The following XKR9 variants were observed in gnomAD, a reference collection of about 807,000 sequenced individuals.
XKR9 encodes the protein XK related 9.
In XKR9, 32 loss-of-function variants were observed where a neutral mutation model predicts 32.0. That is an observed-to-expected ratio of 1.00 (90% CI 0.76 to 1.34). The LOEUF (loss-of-function observed/expected upper bound fraction) is 1.34, where lower values mean the gene tolerates loss of function less well. Among genes scored for constraint, XKR9 ranks in the 40% most tolerant of loss-of-function variants. XKR9 has a pLI of 0.00. For synonymous variants in XKR9, 168 were observed against 143.4 expected (o/e 1.17, Z -1.22); for missense variants, 546 against 429.7 (o/e 1.27, Z -2.39).
At chr8:71,030,262 G>T in the XKR9 span, among the ~76,000 whole-genome samples, 1 of 152,046 alleles carries the variant, frequency 6.6e-6, no homozygotes, top group South Asian at 2.1e-4. Context: ...TATTATTACT[G>T]TACTAAATAC....
chr8:70,710,485 G>A (rs781225736), intron 4 of XKR9, among the ~76,000 whole-genome samples: 1 of 152,102 alleles, frequency 6.6e-6, no homozygotes, highest in Non-Finnish European at 1.5e-5. Flanking sequence ...TAGATCACTT[G>A]AGGTCAGGAG....
At chr8:70,911,219 G>T in the XKR9 span, among the ~76,000 whole-genome samples, 6 of 152,112 alleles carry the variant, frequency 3.9e-5, no homozygotes, top group East Asian at 9.6e-4. Flanking sequence ...CTGCAACAAA[G>T]CTCAAATTAC....
chr8:71,050,276 T>TAG, the XKR9 span, among the ~76,000 whole-genome samples: 45 of 59,894 alleles, frequency 7.5e-4, no homozygotes, highest in African/African-American at 1.1e-3. Flanking sequence ...GATAGATAGA[T>TAG]ATAGATATAG....
chr8:70,874,317 G>C, the XKR9 span, among the ~76,000 whole-genome samples: 3 of 151,986 alleles, frequency 2.0e-5, no homozygotes, highest in Non-Finnish European at 4.4e-5. Context: ...TGATATTCCT[G>C]CTAATTATGT....
chr8:70,733,701 GGT>G, intron 4 of XKR9, 93 bp from the exon 5 acceptor site: 2 of 1,152,462 alleles, frequency 1.7e-6, no homozygotes, highest in Non-Finnish European at 1.1e-6. Flanking sequence ...CGTGTTTGTG[GGT>G]GTGTGTATAT....
chr8:70,832,982 A>G, the XKR9 span, among the ~76,000 whole-genome samples: 1 of 152,228 alleles, frequency 6.6e-6, no homozygotes, highest in Non-Finnish European at 1.5e-5. Context: ...GAATAAATAA[A>G]TGAGCGAGTT....
chr8:70,946,976 G>A, the XKR9 span, among the ~76,000 whole-genome samples: 2 of 152,288 alleles, frequency 1.3e-5, no homozygotes, highest in East Asian at 1.9e-4. Context: ...TAGGCTCTGT[G>A]AAGTCTAATT....
chr8:70,789,119 C>G (rs1807729907), intron 2 of XKR9, among the ~76,000 whole-genome samples: 1 of 151,848 alleles, frequency 6.6e-6, no homozygotes, highest in African/African-American at 2.4e-5. Context: ...CTATTTCTTG[C>G]CAATTTCATT....
the XKR9 span, among the ~76,000 whole-genome samples, chr8:70,948,077 T>C: frequency 5.3e-5 from 8 of 152,134 alleles, no homozygotes; most frequent in East Asian, 1.9e-4. Flanking sequence ...CAGCCATTAG[T>C]GTGTAAGATG....
chr8:70,995,377 T>C, the XKR9 span, among the ~76,000 whole-genome samples: 6 of 152,216 alleles, frequency 3.9e-5, no homozygotes. Context: ...TTCCCTTATA[T>C]AATTTTTTTT....
chr8:70,756,059 A>G (rs1807220609), intron 2 of XKR9, among the ~76,000 whole-genome samples: 1 of 152,030 alleles, frequency 6.6e-6, no homozygotes, highest in Admixed American at 6.6e-5. Flanking sequence ...GTGTGAGATA[A>G]GTGTTTATTC....
the XKR9 span, among the ~76,000 whole-genome samples, chr8:70,821,746 C>G: frequency 6.6e-5 from 10 of 152,324 alleles, no homozygotes; most frequent in Admixed American, 5.9e-4. Flanking sequence ...TTTTAAGCCA[C>G]GGCTGGGATG....
chr8:70,877,281 C>T, the XKR9 span, among the ~76,000 whole-genome samples: 4 of 152,236 alleles, frequency 2.6e-5, no homozygotes, highest in South Asian at 2.1e-4. Flanking sequence ...GGGATTATTA[C>T]AATTTAAGGT....
At chr8:70,936,828 G>A in the XKR9 span, among the ~76,000 whole-genome samples, 3 of 151,872 alleles carry the variant, frequency 2.0e-5, no homozygotes, top group Non-Finnish European at 4.4e-5. Context: ...GTCCAAAGCC[G>A]CTTCTTTAAA....
downstream of XKR9, among the ~76,000 whole-genome samples, chr8:70,740,881 G>A (rs1484189700): frequency 1.3e-5 from 2 of 152,186 alleles, no homozygotes; most frequent in African/African-American, 4.8e-5. Flanking sequence ...CCCCTCCTGG[G>A]GGTTGCCTCC....
chr8:70,983,789 A>T, the XKR9 span, among the ~76,000 whole-genome samples: 5 of 122,066 alleles, frequency 4.1e-5, no homozygotes, highest in Admixed American at 8.3e-5. Context: ...CTCAAAATAA[A>T]TAAATAAATA....
chr8:70,679,081 T>C (rs771970369), intron 2 of XKR9, among the ~76,000 whole-genome samples: 9 of 152,190 alleles, frequency 5.9e-5, no homozygotes, highest in Non-Finnish European at 1.0e-4. Context: ...GGGTTACAGA[T>C]GGCTGCCTTC....
the XKR9 span, among the ~76,000 whole-genome samples, chr8:71,058,295 G>A: frequency 6.6e-6 from 1 of 152,220 alleles, no homozygotes; most frequent in African/African-American, 2.4e-5. Context: ...AGCAAGATTA[G>A]AGTGTTGCAT....
chr8:70,690,170 T>C (rs964726784), intron 3 of XKR9, among the ~76,000 whole-genome samples: 1 of 152,146 alleles, frequency 6.6e-6, no homozygotes, highest in Non-Finnish European at 1.5e-5. Flanking sequence ...ACACGTGTCA[T>C]GGGGGTTTGT....
Sources: allele counts gnomAD v4.1 joint callset (sites outside exome capture counted in the v4.1 genomes callset), GRCh38; gene constraint gnomAD v4.1.1; transcripts MANE v1.5; gene names NCBI Gene and HGNC (gene_info 2026-07-23, HGNC 2026-07-21).